MRPS31: variants seen among roughly 807,000 people sequenced by gnomAD.
MRPS31 encodes mitochondrial ribosomal protein S31.
In MRPS31, 32 loss-of-function variants were observed where a neutral mutation model predicts 43.1. The ratio of observed to expected loss-of-function variants is 0.74; its 90% CI spans 0.56 to 1.00. The LOEUF is 1.00. MRPS31 is among the 50% of genes least tolerant of loss of function. The pLI, the probability that MRPS31 is intolerant of heterozygous loss-of-function variation, is 0.00. For synonymous variants in MRPS31, 165 were observed against 161.6 expected (o/e 1.02, Z -0.16); for missense variants, 437 against 466.7 (o/e 0.94, Z 0.59).
At chr13:40,768,024 A>G (rs1301997109) in intron 1 of MRPS31, among the ~76,000 whole-genome samples, 2 of 152,244 alleles carry the variant, frequency 1.3e-5, no homozygotes, top group Non-Finnish European at 2.9e-5. Flanking sequence ...CACTAGATAC[A>G]TTTATGAAAA....
At position 40,771,182 on chromosome 13, in the gene MRPS31, C is replaced by A; in HGVS notation, c.-46G>T. 6.5e-7 allele frequency: 1 copy of A among 1,542,830 alleles called. No individual in the cohort carries two copies. Among genetic ancestry groups the A allele is most frequent in the East Asian group, 2.3e-5 (1 of 42,826 alleles). ...CAAGAACACAACTGAAATGGTGCGT[C>A]CCGCTGCCAAACACGTCCCCGCCCT... On this transcript the variant is annotated 5_prime_UTR_variant, in exon 1 of 7. Coordinates refer to ENST00000323563, the MANE Select transcript of MRPS31 (RefSeq NM_005830.4).
At chr13:40,744,216 G>A (rs1427424012) in intron 6 of MRPS31, among the ~76,000 whole-genome samples, 2 of 152,164 alleles carry the variant, frequency 1.3e-5, no homozygotes, top group Non-Finnish European at 2.9e-5. Flanking sequence ...GAGGGTGGGA[G>A]GAGAATGAAG....
intron 1 of MRPS31, among the ~76,000 whole-genome samples, chr13:40,768,054 C>T (rs1190332399): frequency 6.6e-6 from 1 of 152,174 alleles, no homozygotes; most frequent in Non-Finnish European, 1.5e-5. Flanking sequence ...CAAATGATTA[C>T]ATCTATATTA....
At chr13:40,745,288 T>C (rs1880211941) in intron 6 of MRPS31, among the ~76,000 whole-genome samples, 1 of 152,136 alleles carries the variant, frequency 6.6e-6, no homozygotes, top group Non-Finnish European at 1.5e-5. Context: ...GTTTCACTCT[T>C]GTTGCCCAGG....
rs73459557 is a variant in MRPS31 at position 40,747,851 on chromosome 13, A to G, written c.958+1287T>C. Among the ~76,000 whole-genome samples the G allele has an allele frequency of 7.1e-3, 1,077 of 152,338 alleles. 15 individuals carry two copies. The highest frequency in any genetic ancestry group is 0.024 in the African/African-American group (1,014 of 41,578). ...CAGCGAGGCTCCATCTCAAAAAACAAAAACAATACGAATATACAAAATATT... is the reference window on the plus strand; with the variant it reads ...CAGCGAGGCTCCATCTCAAAAAACAGAAACAATACGAATATACAAAATATT... On this transcript the variant is annotated intron_variant, in intron 6 of 6. Coordinates refer to ENST00000323563, the MANE Select transcript of MRPS31 (RefSeq NM_005830.4).
intron 6 of MRPS31, among the ~76,000 whole-genome samples, chr13:40,748,219 G>A (rs1435179767): frequency 1.3e-5 from 2 of 152,146 alleles, no homozygotes; most frequent in Non-Finnish European, 2.9e-5. Flanking sequence ...GTGCAATAGC[G>A]TGATCTCGGC....
chr13:40,729,378 G>GT lies in MRPS31; in HGVS notation c.1181_1182insA (p.Phe394LeufsTer20). 6.9e-7 allele frequency: 1 copy of GT among 1,449,578 alleles called. No individual in the cohort carries two copies. Among genetic ancestry groups the GT allele is most frequent in the Non-Finnish European group, 9.5e-7 (1 of 1,051,924 alleles). The allele number at this position is 1,449,578 out of a possible 1,614,324, so 89.8% of individuals were successfully genotyped here. ...AATAAAAATTTCCATGGTCTTAATTGAACTGTATGTTACTTTCTTTTAGAA... is the reference window on the plus strand; with the variant it reads ...AATAAAAATTTCCATGGTCTTAATTGTAACTGTATGTTACTTTCTTTTAGAA... On this transcript the variant is annotated frameshift_variant, in exon 7 of 7. Coordinates refer to ENST00000323563, the MANE Select transcript of MRPS31 (RefSeq NM_005830.4). LOFTEE classifies it high-confidence loss of function.
chr13:40,731,353 G>C (rs1372976833), intron 6 of MRPS31: 1 of 152,986 alleles, frequency 6.5e-6, no homozygotes, highest in Non-Finnish European at 1.4e-5. Flanking sequence ...TGGCAGGTAG[G>C]GGGGCAGGTC....
chr13:40,736,980 G>A (rs1268775599), intron 6 of MRPS31, among the ~76,000 whole-genome samples: 4 of 151,172 alleles, frequency 2.6e-5, no homozygotes, highest in Admixed American at 2.6e-4. Flanking sequence ...AAAAGACACA[G>A]ACTGGCAAAT....
At chr13:40,753,485 C>A (rs751021832) in intron 5 of MRPS31, among the ~76,000 whole-genome samples, 13 of 152,160 alleles carry the variant, frequency 8.5e-5, no homozygotes, top group Non-Finnish European at 1.6e-4. Flanking sequence ...GAAGCCTGAC[C>A]GAAACTAGCA....
chr13:40,770,845 G>A (rs1391820550), intron 1 of MRPS31, 140 bp downstream of exon 1: 1 of 1,125,138 alleles, frequency 8.9e-7, no homozygotes, highest in Non-Finnish European at 1.3e-6. Flanking sequence ...CTATGACCTT[G>A]GGCAAGTCAT....
chr13:40,744,722 C>T (rs1348908451), intron 6 of MRPS31, among the ~76,000 whole-genome samples: 10 of 152,166 alleles, frequency 6.6e-5, no homozygotes, highest in Admixed American at 5.9e-4. Context: ...TCAAGCAATT[C>T]GTGTGCCTCA....
At chr13:40,760,571 C>G (rs1593277338) in intron 2 of MRPS31, among the ~76,000 whole-genome samples, 4 of 150,154 alleles carry the variant, frequency 2.7e-5, no homozygotes, top group Admixed American at 2.0e-4. Flanking sequence ...TAAATTAGAG[C>G]AAGTTAATAG....
intron 4 of MRPS31, 68 bp downstream of exon 4, chr13:40,756,805 G>A: frequency 6.5e-7 from 1 of 1,531,702 alleles, no homozygotes; most frequent in Non-Finnish European, 9.0e-7. Flanking sequence ...CACACAATAA[G>A]GTAAATCTAC....
At chr13:40,738,601 G>T (rs996835215) in intron 6 of MRPS31, among the ~76,000 whole-genome samples, 2 of 152,016 alleles carry the variant, frequency 1.3e-5, no homozygotes, top group Non-Finnish European at 2.9e-5. Flanking sequence ...TGATCAAGTG[G>T]GCTTCATCCC....
At chr13:40,770,950 T>C (rs1340255623) in intron 1 of MRPS31, 35 bp downstream of exon 1, 1 of 1,613,782 alleles carries the variant, frequency 6.2e-7, no homozygotes, top group African/African-American at 1.3e-5. Context: ...TCGGAGGATG[T>C]ACAGGACGGG....
chr13:40,769,210 T>C (rs1280057685), intron 1 of MRPS31, among the ~76,000 whole-genome samples: 1 of 151,390 alleles, frequency 6.6e-6, no homozygotes, highest in East Asian at 1.9e-4. Context: ...ATCCAGTCTC[T>C]ACTAAAAATA....
chr13:40,759,873 T>C (rs1398391563), intron 2 of MRPS31, among the ~76,000 whole-genome samples: 1 of 152,096 alleles, frequency 6.6e-6, no homozygotes, highest in Non-Finnish European at 1.5e-5. Flanking sequence ...GAAAAACAAA[T>C]TGTGATATAT....
At chr13:40,744,486 C>T (rs541216891) in intron 6 of MRPS31, among the ~76,000 whole-genome samples, 1 of 152,340 alleles carries the variant, frequency 6.6e-6, no homozygotes, top group South Asian at 2.1e-4. Flanking sequence ...TCCCTAACAA[C>T]ATATGATGTT....
Sources: gnomAD v4.1 joint callset for allele counts (sites outside exome capture counted in the v4.1 genomes callset) on GRCh38, gnomAD v4.1.1 for gene constraint, MANE v1.5 for transcripts, NCBI Gene and HGNC (gene_info 2026-07-23, HGNC 2026-07-21) for gene names.